Variants in PCGF3 observed in about 807,000 individuals in gnomAD.
PCGF3 encodes the protein polycomb group RING finger protein 3.
Under a neutral mutation model 33.1 loss-of-function variants are expected in PCGF3, and 7 were observed. The observed-to-expected ratio is 0.21, with a 90% confidence interval of 0.12 to 0.40. The LOEUF is 0.40. Among genes scored for constraint, PCGF3 ranks in the 10% least tolerant of loss-of-function variants. The probability of loss-of-function intolerance (pLI) is 1.00; values close to 1 mark genes in which losing one functional copy is unlikely to be tolerated. For missense variants in PCGF3, 211 were observed against 313.3 expected, an observed-to-expected ratio of 0.67 and a Z score of 2.46; for synonymous variants, 153 against 121.3, an observed-to-expected ratio of 1.26 and a Z score of -1.72.
At chr4:715,562 C>G (rs367585295) in intron 1 of PCGF3, among the ~76,000 whole-genome samples, 2,878 of 75,168 alleles carry the variant, frequency 0.038, no homozygotes, top group South Asian at 0.051. Flanking sequence ...AACTGGGTGT[C>G]GGTGCTGGGA....
chr4:764,920 A>G (rs573515075), intron 9 of PCGF3, 64 bp from the exon 10 acceptor site: 2 of 1,074,268 alleles, frequency 1.9e-6, no homozygotes, highest in African/African-American at 1.5e-5. Flanking sequence ...ACCAGCATCA[A>G]GGTGGCCATG....
At chr4:769,083 G>A (rs1262905382) in exon 11 of PCGF3, 2 of 152,700 alleles carry the variant, frequency 1.3e-5, no homozygotes. Flanking sequence ...GTCAGCCAGT[G>A]ATGCCTCGGG....
intron 1 of PCGF3, among the ~76,000 whole-genome samples, chr4:724,632 T>G (rs75079209): frequency 6.6e-6 from 1 of 152,326 alleles, no homozygotes; most frequent in African/African-American, 2.4e-5. Flanking sequence ...GAGACCAGCC[T>G]GGCCAACGTG....
At chr4:759,849 C>A (rs1389470612) in intron 8 of PCGF3, among the ~76,000 whole-genome samples, 1 of 58,480 alleles carries the variant, frequency 1.7e-5, no homozygotes, top group Non-Finnish European at 3.6e-5. Context: ...TCTCCCCGCG[C>A]GGCCCCTCTC....
intron 6 of PCGF3, among the ~76,000 whole-genome samples, chr4:741,765 T>A (rs1211512369): frequency 6.6e-6 from 1 of 152,194 alleles, no homozygotes; most frequent in Non-Finnish European, 1.5e-5. Flanking sequence ...TTTTTAATCC[T>A]TCTTTATTCT....
At chr4:753,179 C>A (rs779360783) in intron 8 of PCGF3, among the ~76,000 whole-genome samples, 20 of 152,212 alleles carry the variant, frequency 1.3e-4, no homozygotes, top group African/African-American at 2.7e-4. Context: ...TAGAACAGAA[C>A]TTTAGAGCTT....
At chr4:708,096 C>T (rs13104259) in intron 1 of PCGF3, among the ~76,000 whole-genome samples, 10,957 of 138,554 alleles carry the variant, frequency 0.079, 1,180 homozygotes, top group East Asian at 0.12. Context: ...CACCTGGGGG[C>T]CGGGACCCTG....
At position 734,144 on chromosome 4, in the gene PCGF3, T is replaced by A. The variant is rs1743737351; in HGVS notation, c.109+355T>A. On this transcript the variant is annotated intron_variant, in intron 4 of 10. Coordinates refer to ENST00000362003, the Ensembl canonical transcript of PCGF3. ...GATCCTTCAAAGGGGAACCTTCCAG[T>A]GTGTTCTTCACACCTGATGTGCGTC... The A allele has an allele frequency of 3.9e-6, 6 of 1,550,564 alleles. No homozygotes were observed. In the East Asian group the frequency reaches 1.5e-4, roughly 38 times the overall value.
At chr4:739,596 G>T (rs986803527) in intron 6 of PCGF3, among the ~76,000 whole-genome samples, 1 of 152,218 alleles carries the variant, frequency 6.6e-6, no homozygotes, top group African/African-American at 2.4e-5. Flanking sequence ...TCCTGCGGCA[G>T]TGGACCTGGG....
chr4:761,913 G>A (rs1366480636), intron 9 of PCGF3: 1 of 985,328 alleles, frequency 1.0e-6, no homozygotes, highest in East Asian at 1.1e-4. Context: ...GTCCAGCTTT[G>A]CATGGAGACA....
At chr4:758,090 C>T (rs575336827) in intron 8 of PCGF3, among the ~76,000 whole-genome samples, 1 of 148,866 alleles carries the variant, frequency 6.7e-6, no homozygotes, top group Non-Finnish European at 1.5e-5. Context: ...ATCGCTTGAA[C>T]CCAGGAGGCG....
At chr4:742,911 C>T (rs1044021200) in intron 6 of PCGF3, among the ~76,000 whole-genome samples, 3 of 152,186 alleles carry the variant, frequency 2.0e-5, no homozygotes, top group Non-Finnish European at 2.9e-5. Flanking sequence ...ACATGGTCCC[C>T]GGGGCTCTCG....
intron 1 of PCGF3, among the ~76,000 whole-genome samples, chr4:718,386 G>A (rs1235705525): frequency 6.6e-6 from 1 of 152,158 alleles, no homozygotes; most frequent in South Asian, 2.1e-4. Context: ...GGATGTCACT[G>A]AGCTACACTC....
chr4:714,717 G>A (rs961635595), intron 1 of PCGF3, among the ~76,000 whole-genome samples: 3 of 152,174 alleles, frequency 2.0e-5, no homozygotes, highest in African/African-American at 4.8e-5. Context: ...CCAGGCCAGC[G>A]GAGACATAGG....
intron 8 of PCGF3, among the ~76,000 whole-genome samples, chr4:751,083 G>A (rs1291897436): frequency 6.6e-6 from 1 of 152,000 alleles, no homozygotes; most frequent in African/African-American, 2.4e-5. Flanking sequence ...GCTTGGATCC[G>A]GTTTTGGTGT....
intron 9 of PCGF3, 63 bp downstream of exon 9, chr4:761,479 A>G (rs1327335725): frequency 2.9e-5 from 43 of 1,475,700 alleles, no homozygotes; most frequent in Non-Finnish European, 3.9e-5. Context: ...AGGTAACTCC[A>G]AGATTCTTTG....
At chr4:716,330 CGA>C in intron 1 of PCGF3, among the ~76,000 whole-genome samples, 1 of 39,438 alleles carries the variant, frequency 2.5e-5, no homozygotes, top group East Asian at 7.1e-4. Flanking sequence ...GTGGACACTG[CGA>C]GTGTGAGAAC....
chr4:735,012 C>T, exon 5 of PCGF3: 1 of 1,612,738 alleles, frequency 6.2e-7, no homozygotes, highest in Non-Finnish European at 8.5e-7. Context: ...CAGAGCCACC[C>T]CCTGCAGTAC....
intron 1 of PCGF3, among the ~76,000 whole-genome samples, chr4:722,702 T>C (rs994189796): frequency 0.39 from 13,890 of 35,242 alleles, 3,702 homozygotes; most frequent in African/African-American, 0.58. Flanking sequence ...ATCACCTGTC[T>C]GCGCTGGGTC....
Sources: gnomAD v4.1 joint callset for allele counts (sites outside exome capture counted in the v4.1 genomes callset) on GRCh38, gnomAD v4.1.1 for gene constraint, MANE v1.5 for transcripts, NCBI Gene and HGNC (gene_info 2026-07-23, HGNC 2026-07-21) for gene names.